Variants in MEP1A observed in about 807,000 individuals in gnomAD.
MEP1A encodes the protein N-benzoyl-L-tyrosyl-P-amino-benzoic acid hydrolase subunit alpha.
In MEP1A, 68 loss-of-function variants were observed where a neutral mutation model predicts 84.5. The ratio of observed to expected loss-of-function variants is 0.80; its 90% CI spans 0.66 to 0.98. The LOEUF (loss-of-function observed/expected upper bound fraction) is 0.98, where lower values mean the gene tolerates loss of function less well. MEP1A is among the 50% of genes least tolerant of loss of function. The pLI is 0.00. For missense variants in MEP1A, 887 were observed against 919.9 expected, an observed-to-expected ratio of 0.96 and a Z score of 0.46; for synonymous variants, 337 against 336.8, an observed-to-expected ratio of 1.00 and a Z score of -0.01.
intron 6 of MEP1A, among the ~76,000 whole-genome samples, chr6:46,811,288 T>C (rs1050014186): frequency 1.3e-5 from 2 of 152,138 alleles, no homozygotes; most frequent in Non-Finnish European, 2.9e-5. Flanking sequence ...TGTTGGTGTT[T>C]AGCAGAGCTA....
At chr6:46,817,837 G>A (rs1767677487) in intron 6 of MEP1A, among the ~76,000 whole-genome samples, 1 of 152,180 alleles carries the variant, frequency 6.6e-6, no homozygotes, top group South Asian at 2.1e-4. Flanking sequence ...GCCAGGAGAT[G>A]TCTCTGTTAC....
intron 8 of MEP1A, among the ~76,000 whole-genome samples, chr6:46,826,113 A>C (rs1025069152): frequency 6.6e-6 from 1 of 152,216 alleles, no homozygotes; most frequent in Non-Finnish European, 1.5e-5. Flanking sequence ...GTTGGTATTT[A>C]CATGGCAGAG....
At chr6:46,819,475 G>T in intron 6 of MEP1A, 54 bp from the exon 7 acceptor site, 1 of 1,460,582 alleles carries the variant, frequency 6.8e-7, no homozygotes, top group Non-Finnish European at 9.3e-7. Context: ...TACTGTGAAT[G>T]ACAGCCACTT....
intron 5 of MEP1A, among the ~76,000 whole-genome samples, chr6:46,807,791 GAAAGAAAGA>G (rs1767389414): frequency 2.2e-5 from 3 of 134,446 alleles, no homozygotes; most frequent in African/African-American, 8.2e-5. Flanking sequence ...AAGAAAGAAA[GAAAGAAAGA>G]AAGAAAGAAA....
chr6:46,796,330 C>A (rs2150738376), intron 3 of MEP1A, among the ~76,000 whole-genome samples: 1 of 152,240 alleles, frequency 6.6e-6, no homozygotes, highest in South Asian at 2.1e-4. Context: ...CTCTACCTCC[C>A]CTACTCTTCC....
At chr6:46,818,322 A>T (rs899670720) in intron 6 of MEP1A, among the ~76,000 whole-genome samples, 1 of 152,214 alleles carries the variant, frequency 6.6e-6, no homozygotes, top group African/African-American at 2.4e-5. Flanking sequence ...TTGAAGGTAT[A>T]CTGTGTCAGT....
In MEP1A at chr6:46,835,354, C is replaced by G; in HGVS notation, c.1889C>G (p.Ser630Trp). 6.2e-7 allele frequency: 1 copy of G among 1,611,156 alleles called. No individual in the cohort carries two copies. The highest frequency in any genetic ancestry group is 1.1e-5 in the South Asian group (1 of 90,334). ...GQEQQVSEEG[S>W]GKAMLEEALP... Reference sequence around the variant, plus strand: ...GAGCAGCAGGTCTCCGAAGAAGGTTCGGGAAAGGCCATGTTAGAGGAAGCC... The same window carrying G: ...GAGCAGCAGGTCTCCGAAGAAGGTTGGGGAAAGGCCATGTTAGAGGAAGCC... The change falls in exon 13 of 14, where the codon TCG becomes TGG. Residue 630 changes from serine (S) to tryptophan (W), a missense_variant. Transcript: ENST00000230588.
downstream of MEP1A, among the ~76,000 whole-genome samples, chr6:46,842,192 A>G (rs190899267): frequency 1.3e-5 from 2 of 149,230 alleles, no homozygotes; most frequent in Admixed American, 6.6e-5. Context: ...ATTGTAAAAC[A>G]TGTGTGTTTG....
downstream of MEP1A, chr6:46,839,793 G>T (rs187091134): frequency 3.3e-5 from 5 of 152,210 alleles, no homozygotes; most frequent in South Asian, 2.1e-4. Flanking sequence ...CTTTGTATCT[G>T]GTATTGTATA....
intron 6 of MEP1A, among the ~76,000 whole-genome samples, chr6:46,816,272 T>TA (rs1418370349): frequency 6.6e-6 from 1 of 152,066 alleles, no homozygotes; most frequent in Non-Finnish European, 1.5e-5. Flanking sequence ...CTTCTATTTT[T>TA]AAAAAAATTG....
chr6:46,807,512 TAAAG>T lies in MEP1A; in HGVS notation c.263-1855_263-1852del, dbSNP rs60287159. Reference sequence around the variant, plus strand: ...AACAAAGTGAGACCCCCATCTGAAATAAAGAAAGAAAGAAAGAAAGAAAGAAAGA... The same window carrying T: ...AACAAAGTGAGACCCCCATCTGAAATAAAGAAAGAAAGAAAGAAAGAAAGA... On this transcript the variant is annotated intron_variant, in intron 5 of 13. Coordinates refer to ENST00000230588, the MANE Select transcript of MEP1A (RefSeq NM_005588.3). 6.2e-3 allele frequency among the ~76,000 whole-genome samples: 305 copies of T among 49,578 alleles called. 9 individuals carry two copies. Among genetic ancestry groups the T allele is most frequent in the Middle Eastern group, 0.013 (1 of 78 alleles). The allele number at this position is 49,578 out of a possible 152,430, so 32.5% of individuals were successfully genotyped here.
intron 6 of MEP1A, among the ~76,000 whole-genome samples, chr6:46,810,806 A>G (rs1006803982): frequency 6.6e-6 from 1 of 152,038 alleles, no homozygotes; most frequent in Admixed American, 6.6e-5. Flanking sequence ...TGGGTTCTCT[A>G]TTCTGTTCCA....
At chr6:46,832,530 A>G (rs1283457931) in intron 10 of MEP1A, among the ~76,000 whole-genome samples, 4 of 152,218 alleles carry the variant, frequency 2.6e-5, no homozygotes, top group Admixed American at 1.3e-4. Context: ...ACTTTCAGAT[A>G]ATATAAGGAA....
At chr6:46,844,652 G>A (rs867858776), downstream of MEP1A, among the ~76,000 whole-genome samples, 3 of 152,348 alleles carry the variant, frequency 2.0e-5, no homozygotes, top group Middle Eastern at 3.4e-3. Flanking sequence ...GCAGGAGGCA[G>A]AGGAGATGTT....
At chr6:46,813,764 G>A (rs553899774) in intron 6 of MEP1A, among the ~76,000 whole-genome samples, 35 of 152,142 alleles carry the variant, frequency 2.3e-4, no homozygotes, top group Non-Finnish European at 3.8e-4. Context: ...AATTCTCTCA[G>A]CATTTATTTG....
chr6:46,845,937 G>C, the MEP1A span, among the ~76,000 whole-genome samples: 1 of 152,176 alleles, frequency 6.6e-6, no homozygotes, highest in East Asian at 1.9e-4. Flanking sequence ...GTAAAGAAAA[G>C]AAATAATGAA....
At chr6:46,841,832 A>G (rs1393161204), downstream of MEP1A, among the ~76,000 whole-genome samples, 1 of 152,220 alleles carries the variant, frequency 6.6e-6, no homozygotes, top group African/African-American at 2.4e-5. Context: ...TGATGTTGAA[A>G]TGAATCAAGA....
At chr6:46,805,141 A>G (rs542600972) in intron 5 of MEP1A, among the ~76,000 whole-genome samples, 1 of 151,914 alleles carries the variant, frequency 6.6e-6, no homozygotes, top group Non-Finnish European at 1.5e-5. Flanking sequence ...AGCCTTGCAC[A>G]TATTCTTTTA....
intron 5 of MEP1A, among the ~76,000 whole-genome samples, chr6:46,805,396 T>TA (rs1255757170): frequency 6.6e-6 from 1 of 151,964 alleles, no homozygotes; most frequent in East Asian, 1.9e-4. Context: ...ATATTTCCAT[T>TA]ATGACTAGTA....
Sources: allele counts gnomAD v4.1 joint callset (sites outside exome capture counted in the v4.1 genomes callset), GRCh38; gene constraint gnomAD v4.1.1; transcripts MANE v1.5; gene names NCBI Gene and HGNC (gene_info 2026-07-23, HGNC 2026-07-21).